Variants in DLGAP1 observed in about 807,000 individuals in gnomAD.
DLGAP1 encodes the protein DLG associated protein 1.
DLGAP1 carries 11 observed loss-of-function variants against 90.8 expected under a neutral mutation model. The ratio of observed to expected loss-of-function variants is 0.12; its 90% confidence interval spans 0.08 to 0.20. DLGAP1 has a LOEUF of 0.20. Ranked by LOEUF, DLGAP1 falls within the 10% of genes least tolerant of loss-of-function variation. The probability of loss-of-function intolerance (pLI) is 1.00; values close to 1 mark genes in which losing one functional copy is unlikely to be tolerated. For synonymous variants in DLGAP1, 558 were observed against 540.7 expected (o/e 1.03, Z -0.44); for missense variants, 1,050 against 1,333.8 (o/e 0.79, Z 3.31).
intron 8 of DLGAP1, 67 bp from the exon 9 acceptor site, chr18:3,567,648 C>T: frequency 1.4e-6 from 2 of 1,390,708 alleles, no homozygotes; most frequent in Non-Finnish European, 2.0e-6. Context: ...ACAAACATCA[C>T]ATTTTATGAG....
rs151050357 is a variant in DLGAP1, at chr18:3,745,712, T to C, written c.1173-3200A>G. Among the ~76,000 whole-genome samples, 1,178 of 152,306 alleles carry C rather than the reference T, an allele frequency of 7.7e-3. 16 individuals carry two copies. Among genetic ancestry groups the C allele is most frequent in the African/African-American group, 0.026 (1,085 of 41,552 alleles). On this transcript the variant is annotated intron_variant, in intron 5 of 12. Coordinates refer to ENST00000315677, the MANE Select transcript of DLGAP1 (RefSeq NM_004746.4). ...TTTATTTTTATTTATTTTTTTGAGA[T>C]GGAGTCTTGCTTTATTGCCCAGGCT...
intron 2 of DLGAP1, among the ~76,000 whole-genome samples, chr18:4,016,100 C>A (rs769838467): frequency 7.9e-5 from 12 of 152,136 alleles, no homozygotes; most frequent in Admixed American, 6.5e-5. Context: ...CAGTTCAAGC[C>A]TTCCCTTTCA....
chr18:3,866,706 G>A (rs1047433476), intron 4 of DLGAP1, among the ~76,000 whole-genome samples: 1 of 152,170 alleles, frequency 6.6e-6, no homozygotes, highest in Non-Finnish European at 1.5e-5. Flanking sequence ...ATAATGAGAT[G>A]CTCTTTCTAG....
intron 3 of DLGAP1, among the ~76,000 whole-genome samples, chr18:3,899,249 G>A (rs140717878): frequency 1.3e-5 from 2 of 152,210 alleles, no homozygotes; most frequent in African/African-American, 4.8e-5. Flanking sequence ...CTTTTCCTCT[G>A]ACTGCTGAAG....
chr18:4,348,160 T>A (rs1439730862), intron 1 of DLGAP1, among the ~76,000 whole-genome samples: 1 of 152,158 alleles, frequency 6.6e-6, no homozygotes. Flanking sequence ...ATTAAAGGTT[T>A]GTTTTTCAGA....
chr18:4,363,816 A>G (rs576532640), intron 1 of DLGAP1, among the ~76,000 whole-genome samples: 39 of 152,122 alleles, frequency 2.6e-4, no homozygotes, highest in African/African-American at 9.4e-4. Flanking sequence ...TGGGACTGTA[A>G]ACTAGTTCAA....
intron 4 of DLGAP1, among the ~76,000 whole-genome samples, chr18:3,814,636 C>T (rs923297899): frequency 2.0e-5 from 3 of 152,138 alleles, no homozygotes; most frequent in Non-Finnish European, 4.4e-5. Context: ...GCTGGGATTA[C>T]AGGCTAACAT....
chr18:3,855,352 C>A (rs778311349), intron 4 of DLGAP1, among the ~76,000 whole-genome samples: 3 of 151,944 alleles, frequency 2.0e-5, no homozygotes. Flanking sequence ...ACCTGAGTGA[C>A]AAAATAATCT....
In DLGAP1 at chr18:3,610,244, T is replaced by G. The variant is rs139826427; in HGVS notation, c.1592-27996A>C. 4.2e-3 allele frequency among the ~76,000 whole-genome samples: 643 copies of G among 152,292 alleles called. 3 individuals carry two copies. Among genetic ancestry groups the G allele is most frequent in the African/African-American group, 0.015 (606 of 41,560 alleles). On this transcript the variant is annotated intron_variant, in intron 7 of 12. Transcript: ENST00000315677. ...CACAGGCAGGAATAGCCCTGCCAAG[T>G]TGCCATTTGTGGAGGAGACGTACAT...
At chr18:4,019,224 G>A (rs1319738655) in intron 2 of DLGAP1, among the ~76,000 whole-genome samples, 1 of 152,040 alleles carries the variant, frequency 6.6e-6, no homozygotes, top group Non-Finnish European at 1.5e-5. Context: ...CCGACATTAT[G>A]CATTAGAAGA....
intron 7 of DLGAP1, among the ~76,000 whole-genome samples, chr18:3,590,415 C>T (rs573043845): frequency 6.6e-6 from 1 of 152,118 alleles, no homozygotes; most frequent in East Asian, 1.9e-4. Flanking sequence ...CAGGTTCCCC[C>T]CTGTGGATTT....
chr18:3,938,302 G>A (rs1332603471), intron 3 of DLGAP1, among the ~76,000 whole-genome samples: 3 of 152,150 alleles, frequency 2.0e-5, no homozygotes, highest in Non-Finnish European at 4.4e-5. Context: ...AGATTTGACT[G>A]CAGATGAACA....
At chr18:4,381,125 A>G (rs1253856484) in intron 1 of DLGAP1, among the ~76,000 whole-genome samples, 1 of 152,196 alleles carries the variant, frequency 6.6e-6, no homozygotes, top group Non-Finnish European at 1.5e-5. Context: ...AATGGTTGAA[A>G]TAGAGATGAT....
chr18:4,041,627 T>C (rs569040247), intron 2 of DLGAP1, among the ~76,000 whole-genome samples: 1 of 152,326 alleles, frequency 6.6e-6, no homozygotes, highest in East Asian at 1.9e-4. Context: ...AACTATCTTG[T>C]TCTTCCACTC....
chr18:4,207,708 T>G (rs1384540220), intron 1 of DLGAP1, among the ~76,000 whole-genome samples: 4 of 152,132 alleles, frequency 2.6e-5, no homozygotes, highest in African/African-American at 4.8e-5. Context: ...CTTCTCCACA[T>G]GAGCTGCTTT....
intron 3 of DLGAP1, among the ~76,000 whole-genome samples, chr18:3,942,828 G>C (rs536444516): frequency 6.6e-6 from 1 of 152,278 alleles, no homozygotes; most frequent in African/African-American, 2.4e-5. Flanking sequence ...TTCAAACTAT[G>C]AAGATGCATT....
intron 2 of DLGAP1, among the ~76,000 whole-genome samples, chr18:4,114,873 T>C (rs1162892148): frequency 6.6e-6 from 1 of 152,156 alleles, no homozygotes; most frequent in Non-Finnish European, 1.5e-5. Context: ...GTAGAGAGTA[T>C]ATAGTTGGGC....
intron 7 of DLGAP1, among the ~76,000 whole-genome samples, chr18:3,592,954 T>C (rs1415593565): frequency 6.7e-6 from 1 of 148,998 alleles, no homozygotes; most frequent in African/African-American, 2.5e-5. Flanking sequence ...AGACATGATC[T>C]CACATATGTG....
At chr18:4,070,065 C>T (rs1490942900) in intron 2 of DLGAP1, among the ~76,000 whole-genome samples, 1 of 151,972 alleles carries the variant, frequency 6.6e-6, no homozygotes. Flanking sequence ...TCACTGAAAC[C>T]TCCACCTCCT....
Sources: gnomAD v4.1 joint callset for allele counts (sites outside exome capture counted in the v4.1 genomes callset) on GRCh38, gnomAD v4.1.1 for gene constraint, MANE v1.5 for transcripts, NCBI Gene and HGNC (gene_info 2026-07-23, HGNC 2026-07-21) for gene names.